Variants in ITFG1 observed in about 807,000 individuals in gnomAD.
ITFG1 encodes integrin alpha FG-GAP repeat containing 1.
ITFG1 carries 34 observed loss-of-function variants against 81.8 expected under a neutral mutation model. That is an observed-to-expected ratio of 0.42 (90% CI 0.32 to 0.55). The LOEUF (loss-of-function observed/expected upper bound fraction) is 0.55. Ranked by LOEUF, ITFG1 falls within the 20% of genes least tolerant of loss-of-function variation. The probability of loss-of-function intolerance (pLI) is 0.17; values close to 1 mark genes in which losing one functional copy is unlikely to be tolerated. For synonymous variants in ITFG1, 285 were observed against 270.6 expected, an observed-to-expected ratio of 1.05 and a Z score of -0.52; for missense variants, 672 against 755.4, an observed-to-expected ratio of 0.89 and a Z score of 1.29.
At chr16:47,337,227 T>C (rs780695411) in intron 8 of ITFG1, among the ~76,000 whole-genome samples, 1 of 151,960 alleles carries the variant, frequency 6.6e-6, no homozygotes, top group Non-Finnish European at 1.5e-5. Context: ...TATCCTCTTG[T>C]GGAAATTTTG....
At chr16:47,239,842 G>A (rs1965913850) in intron 12 of ITFG1, among the ~76,000 whole-genome samples, 2 of 152,070 alleles carry the variant, frequency 1.3e-5, no homozygotes, top group African/African-American at 2.4e-5. Flanking sequence ...ATTTGCATAA[G>A]CCTTCATTTA....
Position 47,311,330 on chromosome 16 carries a change from T to C in ITFG1, c.980A>G (p.Glu327Gly). ...VPFVDEQQPTEIPIPITLHIG... is the reference protein window; with the variant it reads ...VPFVDEQQPTGIPIPITLHIG... ...ATGAAGGGTAATTGGAATTGGTATT[T>C]CAGTTGGTTGCTGTTCATCCACAAA... Residue 327 changes from glutamate (E) to glycine (G), a missense_variant, in exon 10 of 18, where the codon GAA becomes GGA. By Grantham distance (98) the Glu-to-Gly change is moderately conservative (BLOSUM62 -2). Transcript: ENST00000320640. 4 of 1,613,722 alleles carry C rather than the reference T, an allele frequency of 2.5e-6. No homozygotes were observed. The highest frequency in any genetic ancestry group is 3.4e-6 in the Non-Finnish European group (4 of 1,179,630).
At chr16:47,257,343 T>C (rs760561669) in intron 12 of ITFG1, among the ~76,000 whole-genome samples, 2 of 152,142 alleles carry the variant, frequency 1.3e-5, no homozygotes, top group Non-Finnish European at 2.9e-5. Flanking sequence ...CACTAAAATA[T>C]GTGGAAGCAA....
At chr16:47,179,304 A>C (rs1396145628) in intron 14 of ITFG1, among the ~76,000 whole-genome samples, 1 of 152,230 alleles carries the variant, frequency 6.6e-6, no homozygotes, top group Non-Finnish European at 1.5e-5. Context: ...ATTATTCACA[A>C]TAGCAAAGAC....
chr16:47,437,879 C>A (rs1163070949), intron 5 of ITFG1, among the ~76,000 whole-genome samples: 1 of 152,182 alleles, frequency 6.6e-6, no homozygotes, highest in African/African-American at 2.4e-5. Context: ...AAAAGCAGGG[C>A]GAGGCATCGC....
chr16:47,435,760 T>A (rs771854219), intron 5 of ITFG1, among the ~76,000 whole-genome samples: 5 of 152,206 alleles, frequency 3.3e-5, no homozygotes, highest in Non-Finnish European at 5.9e-5. Flanking sequence ...TCTTCAAACA[T>A]CTTTGCCCAG....
intron 6 of ITFG1, among the ~76,000 whole-genome samples, chr16:47,408,568 C>T (rs1968759240): frequency 6.6e-6 from 1 of 151,956 alleles, no homozygotes; most frequent in East Asian, 1.9e-4. Context: ...ATCAATAGAC[C>T]AGACTCTAAT....
intron 14 of ITFG1, among the ~76,000 whole-genome samples, chr16:47,167,152 G>T (rs1236145643): frequency 6.6e-6 from 1 of 152,090 alleles, no homozygotes; most frequent in Non-Finnish European, 1.5e-5. Context: ...GTCTACTCTA[G>T]ATACCTCATA....
At chr16:47,199,149 T>G (rs1336167313) in intron 14 of ITFG1, among the ~76,000 whole-genome samples, 1 of 151,788 alleles carries the variant, frequency 6.6e-6, no homozygotes, top group African/African-American at 2.4e-5. Flanking sequence ...TGGCCCATAA[T>G]CCCAGTTACT....
intron 5 of ITFG1, among the ~76,000 whole-genome samples, chr16:47,439,694 A>T (rs1459883685): frequency 6.6e-6 from 1 of 152,222 alleles, no homozygotes; most frequent in Non-Finnish European, 1.5e-5. Flanking sequence ...AGCACTAAAC[A>T]TGGAAAGGAA....
chr16:47,336,517 G>A (rs539653103), intron 8 of ITFG1, among the ~76,000 whole-genome samples: 1 of 152,288 alleles, frequency 6.6e-6, no homozygotes, highest in South Asian at 2.1e-4. Context: ...GAAGGTGCTT[G>A]ATTCTCTTTT....
chr16:47,437,389 G>A lies in ITFG1; in HGVS notation c.561-8491C>T, dbSNP rs970675631. 7.3e-5 allele frequency among the ~76,000 whole-genome samples: 11 copies of A among 151,694 alleles called. No individual in the cohort carries two copies. In the South Asian group the frequency reaches 8.3e-4, roughly 12 times the overall value. On this transcript the variant is annotated intron_variant, in intron 5 of 17. Transcript: ENST00000320640. ...AGGCTGAGGCAGGAGGACTGCTTGC[G>A]GCCAGGAGCTCAAAGCTGCAGTGAG... is the stretch of plus-strand genomic sequence containing the variant.
intron 14 of ITFG1, among the ~76,000 whole-genome samples, chr16:47,195,029 A>G (rs1965340505): frequency 1.3e-5 from 2 of 152,118 alleles, no homozygotes; most frequent in Non-Finnish European, 2.9e-5. Context: ...GAACTTTTCA[A>G]TTGTCCATTC....
At chr16:47,314,106 T>C (rs1174771773) in intron 8 of ITFG1, among the ~76,000 whole-genome samples, 1 of 152,156 alleles carries the variant, frequency 6.6e-6, no homozygotes, top group Non-Finnish European at 1.5e-5. Context: ...GGTCCTATGC[T>C]ATCTGGGTGA....
At chr16:47,286,194 C>G (rs1303443717) in intron 10 of ITFG1, among the ~76,000 whole-genome samples, 1 of 152,174 alleles carries the variant, frequency 6.6e-6, no homozygotes, top group African/African-American at 2.4e-5. Context: ...ACAAAGGCCT[C>G]AATCTATCCC....
At chr16:47,276,764 C>G (rs1418051919) in intron 10 of ITFG1, among the ~76,000 whole-genome samples, 2 of 152,042 alleles carry the variant, frequency 1.3e-5, no homozygotes, top group Non-Finnish European at 2.9e-5. Context: ...CATTACAAGT[C>G]AGTGGGGAAA....
chr16:47,365,775 T>TA lies in ITFG1; in HGVS notation c.802+12dup, dbSNP rs748403603. On this transcript the variant is annotated intron_variant, in intron 8 of 17. Coordinates refer to ENST00000320640, the MANE Select transcript of ITFG1 (RefSeq NM_030790.5). ...GGCAAAAGCCTTTTTTTTTTTTTTT[T>TA]ACCAAATCTTACCAAAGTCTGCAAA... is the stretch of plus-strand genomic sequence containing the variant. 1.4e-6 allele frequency: 2 copies of TA among 1,471,962 alleles called. No individual in the cohort carries two copies. The highest frequency in any genetic ancestry group is 1.9e-6 in the Non-Finnish European group (2 of 1,065,428). 91.2% of individuals were successfully genotyped at this position (1,471,962 alleles called of 1,614,324 possible). A position where few individuals can be genotyped will look rare whatever the true frequency, so the allele number is the denominator to read the frequency against.
chr16:47,348,819 G>C (rs1167703938), intron 8 of ITFG1, among the ~76,000 whole-genome samples: 3 of 152,158 alleles, frequency 2.0e-5, no homozygotes, highest in African/African-American at 4.8e-5. Context: ...AGAAAGGTCG[G>C]GTTACCCACA....
chr16:47,157,026 G>A (rs999662770), intron 17 of ITFG1, among the ~76,000 whole-genome samples: 11 of 152,156 alleles, frequency 7.2e-5, no homozygotes, highest in Non-Finnish European at 1.5e-4. Flanking sequence ...ATGTAAGAAG[G>A]GGCAGTGCAG....
Sources: gnomAD v4.1 joint callset for allele counts (sites outside exome capture counted in the v4.1 genomes callset) on GRCh38, gnomAD v4.1.1 for gene constraint, MANE v1.5 for transcripts, NCBI Gene and HGNC (gene_info 2026-07-23, HGNC 2026-07-21) for gene names.